Variants in CNGB1 observed in about 807,000 individuals in gnomAD.
CNGB1 encodes the protein cyclic nucleotide gated channel subunit beta 1.
A neutral mutation model predicts 151.7 loss-of-function variants in CNGB1; 126 were observed. The observed-to-expected ratio is 0.83, with a 90% CI of 0.72 to 0.96. The LOEUF is 0.96. Ranked by LOEUF, CNGB1 falls within the 40% of genes least tolerant of loss-of-function variation. The probability of loss-of-function intolerance (pLI) is 0.00; values close to 1 mark genes in which losing one functional copy is unlikely to be tolerated. For missense variants in CNGB1, 1,698 were observed against 1,627.0 expected (o/e 1.04, Z -0.75); for synonymous variants, 623 against 635.1 (o/e 0.98, Z 0.29).
rs758509540 is a variant in CNGB1, at chr16:57,923,328, G to A, written c.1588C>T (p.Pro530Ser). Residue 530 changes from proline to serine, a missense_variant, in exon 18 of 33, where the codon CCA (proline) becomes TCA (serine). Coordinates refer to ENST00000251102, the MANE Select transcript of CNGB1 (RefSeq NM_001297.5). ...CAGGCAACCACTGGGGACTCTGCTG[G>A]TGACAACGCCTTGAGCTCTTCAGCC... ...DEAEELKALS[P>S]AESPVVAWSD... 1.9e-6 allele frequency: 3 copies of A among 1,613,738 alleles called. No individual in the cohort carries two copies. Among genetic ancestry groups the A allele is most frequent in the Admixed American group, 3.3e-5 (2 of 60,022 alleles).
intron 17 of CNGB1, among the ~76,000 whole-genome samples, chr16:57,930,809 T>C (rs1044106474): frequency 6.6e-6 from 1 of 152,002 alleles, no homozygotes; most frequent in South Asian, 2.1e-4. Context: ...GTCAAGCTCA[T>C]AGAAACAGAA....
chr16:57,931,850 C>T lies in CNGB1; in HGVS notation c.1401G>A (p.Val467=), dbSNP rs762031587. 8.1e-5 allele frequency: 131 copies of T among 1,614,012 alleles called. 2 individuals carry two copies. The highest frequency in any genetic ancestry group is 6.6e-4 in the Middle Eastern group (4 of 6,082). The change falls in exon 17 of 33, where the codon GTG becomes GTA. Residue 467 remains valine, a synonymous_variant. Coordinates refer to ENST00000251102, the MANE Select transcript of CNGB1 (RefSeq NM_001297.5). The part of the protein sequence containing the change: ...GVPATKQHPE[V]QVEDTDADSC... Reference sequence around the variant, plus strand: ...TATCAGCATCAGTATCTTCCACCTGCACTTCTGGGTGCTGTTTCGTGGCAG... The same window carrying T: ...TATCAGCATCAGTATCTTCCACCTGTACTTCTGGGTGCTGTTTCGTGGCAG...
intron 16 of CNGB1, among the ~76,000 whole-genome samples, chr16:57,938,640 C>A (rs545105302): frequency 1.3e-5 from 2 of 151,516 alleles, no homozygotes; most frequent in South Asian, 4.1e-4. Context: ...CAGGTCTGTG[C>A]CTTGACCTCT....
At chr16:57,903,761 C>G in intron 27 of CNGB1, 61 bp downstream of exon 27, 2 of 1,594,934 alleles carry the variant, frequency 1.3e-6, no homozygotes, top group South Asian at 2.2e-5. Flanking sequence ...GGCATGGCAC[C>G]GGGCACCAGG....
chr16:57,955,488 C>A (rs1396638182), intron 12 of CNGB1: 2 of 819,940 alleles, frequency 2.4e-6, no homozygotes, highest in African/African-American at 1.7e-5. Context: ...ATCCCCCAGC[C>A]TCTCAGAGTC....
chr16:57,941,302 G>T (rs1372191067), intron 14 of CNGB1, among the ~76,000 whole-genome samples: 3 of 152,120 alleles, frequency 2.0e-5, no homozygotes, highest in African/African-American at 7.2e-5. Flanking sequence ...TCATCCAGGG[G>T]TTCACAGAGG....
chr16:57,912,193 A>G (rs1157330406), intron 24 of CNGB1, among the ~76,000 whole-genome samples: 3 of 151,958 alleles, frequency 2.0e-5, no homozygotes, highest in African/African-American at 4.8e-5. Flanking sequence ...TCGCCCCAGG[A>G]GAGATGTGGA....
At chr16:57,941,063 AAT>A (rs1488551944) in intron 14 of CNGB1, among the ~76,000 whole-genome samples, 5 of 152,140 alleles carry the variant, frequency 3.3e-5, no homozygotes, top group Admixed American at 1.3e-4. Flanking sequence ...CAGAGCCTGA[AAT>A]ATATGTTTCT....
At chr16:57,955,420 A>ATGAGTGAG in intron 12 of CNGB1, 2 of 1,434,652 alleles carry the variant, frequency 1.4e-6, no homozygotes. Context: ...GGCGGAGGGA[A>ATGAGTGAG]TGAGTGAGTG....
intron 29 of CNGB1, 54 bp from the exon 30 acceptor site, chr16:57,897,968 A>T (rs567927140): frequency 6.3e-7 from 1 of 1,583,322 alleles, no homozygotes; most frequent in African/African-American, 1.3e-5. Context: ...TCACCAGAGA[A>T]GCAGCCAGGG....
At position 57,937,225 on chromosome 16, in the gene CNGB1, G is replaced by A. The variant is rs141074871; in HGVS notation, c.1372+2205C>T. The A allele has an allele frequency of 2.3e-3, 359 of 152,848 alleles. 2 individuals carry two copies. The highest frequency in any genetic ancestry group is 6.7e-3 in the Middle Eastern group (2 of 298). The allele number at this position is 152,848 out of a possible 1,614,324, so 9.5% of individuals were successfully genotyped here. ...GCACATTAGGGAGATGCTCTACCAG[G>A]TTTTGGAGGGCAGAGGCAGAGGCCA... On this transcript the variant is annotated intron_variant, in intron 16 of 32. Transcript: ENST00000251102.
intron 17 of CNGB1, among the ~76,000 whole-genome samples, chr16:57,930,260 G>A (rs1425727568): frequency 6.6e-6 from 1 of 152,106 alleles, no homozygotes; most frequent in Non-Finnish European, 1.5e-5. Context: ...ACTTTGGGAG[G>A]CTAAGGCAGG....
intron 14 of CNGB1, among the ~76,000 whole-genome samples, chr16:57,945,538 G>C (rs1337564397): frequency 6.6e-6 from 1 of 152,226 alleles, no homozygotes; most frequent in African/African-American, 2.4e-5. Context: ...TGTGCAGCCT[G>C]ACCTATTTGA....
At chr16:57,963,902 G>A in intron 4 of CNGB1, 2 of 580,092 alleles carry the variant, frequency 3.4e-6, no homozygotes, top group Admixed American at 6.0e-5. Context: ...TGCATGACTG[G>A]ATTTCCAGCA....
At chr16:57,905,122 A>G (rs1960511576) in intron 25 of CNGB1, among the ~76,000 whole-genome samples, 1 of 152,138 alleles carries the variant, frequency 6.6e-6, no homozygotes, top group South Asian at 2.1e-4. Context: ...ATTTACAGAT[A>G]TGGAAACTGA....
Position 57,911,819 on chromosome 16 carries a change from T to A in CNGB1, c.2426A>T (p.Tyr809Phe). 6.2e-7 allele frequency: 1 copy of A among 1,613,976 alleles called. No homozygotes were observed. The highest frequency in any genetic ancestry group is 8.5e-7 in the Non-Finnish European group (1 of 1,179,962). ...GCCCTGATAGGCCGATGCCCAGTAA[T>A]AAAGACAGGAATTCAAATGCAGGCT... ...LYSLHLNSCL[Y>F]YWASAYQGLG... The change falls in exon 25 of 33, where the codon TAT becomes TTT. Residue 809 changes from tyrosine (Y) to phenylalanine (F), a missense_variant. Coordinates refer to ENST00000251102, the MANE Select transcript of CNGB1 (RefSeq NM_001297.5).
At chr16:57,923,454 C>A in intron 17 of CNGB1, 74 bp from the exon 18 acceptor site, 1 of 1,241,164 alleles carries the variant, frequency 8.1e-7, no homozygotes, top group Non-Finnish European at 1.2e-6. Flanking sequence ...TGACTTTGAT[C>A]CCTAAAGATC....
At chr16:57,921,880 C>G (rs1410825869) in intron 18 of CNGB1, among the ~76,000 whole-genome samples, 6 of 152,200 alleles carry the variant, frequency 3.9e-5, no homozygotes, top group Non-Finnish European at 8.8e-5. Flanking sequence ...GTATATGATA[C>G]AGTTCCTTAA....
At chr16:57,961,697 G>A (rs894554327) in intron 7 of CNGB1, among the ~76,000 whole-genome samples, 7 of 152,200 alleles carry the variant, frequency 4.6e-5, no homozygotes, top group Admixed American at 1.3e-4. Context: ...TTATATATAC[G>A]TGTGTTCATT....
Sources: allele counts gnomAD v4.1 joint callset (sites outside exome capture counted in the v4.1 genomes callset), GRCh38; gene constraint gnomAD v4.1.1; transcripts MANE v1.5; gene names NCBI Gene and HGNC (gene_info 2026-07-23, HGNC 2026-07-21).